The following INSL6 variants were observed in gnomAD, a reference collection of about 807,000 sequenced individuals.
INSL6 encodes the protein insulin-like peptide INSL6.
A neutral mutation model predicts 9.4 loss-of-function variants in INSL6; 16 were observed. The ratio of observed to expected loss-of-function variants is 1.70; its 90% CI spans 1.15 to 2.59. The LOEUF (loss-of-function observed/expected upper bound fraction) is 2.59. Among genes scored for constraint, INSL6 ranks in the 30% most tolerant of loss-of-function variants. The probability of loss-of-function intolerance (pLI) is 0.00; values close to 1 mark genes in which losing one functional copy is unlikely to be tolerated. For synonymous variants in INSL6, 154 were observed against 96.9 expected (o/e 1.59, Z -3.46); for missense variants, 391 against 257.3 (o/e 1.52, Z -3.56).
chr9:5,092,277 C>T, the INSL6 span, among the ~76,000 whole-genome samples: 7 of 151,990 alleles, frequency 4.6e-5, no homozygotes, highest in East Asian at 7.7e-4. Flanking sequence ...AATAAGGCCA[C>T]GAAGCACGCA....
chr9:5,168,551 G>C (rs1825107950), intron 1 of INSL6, among the ~76,000 whole-genome samples: 2 of 151,980 alleles, frequency 1.3e-5, no homozygotes, highest in Non-Finnish European at 2.9e-5. Context: ...GAAAAGGAAT[G>C]AATAAAACCT....
chr9:5,069,204 A>T, the INSL6 span: 2 of 1,596,028 alleles, frequency 1.3e-6, no homozygotes, highest in Non-Finnish European at 8.5e-7. Flanking sequence ...CCCCAAAGCC[A>T]AAAGGTAAGA....
chr9:5,123,708 G>A (rs543442745), downstream of INSL6, among the ~76,000 whole-genome samples: 9 of 151,854 alleles, frequency 5.9e-5, no homozygotes, highest in South Asian at 1.7e-3. Context: ...CTATATTTAG[G>A]TCTCTGAGAA....
intron 1 of INSL6, 54 bp from the exon 2 acceptor site, chr9:5,164,319 A>G: frequency 8.9e-7 from 1 of 1,119,786 alleles, no homozygotes. Flanking sequence ...CCTTTAGATG[A>G]AAATTTAATA....
chr9:5,026,019 C>G, the INSL6 span, among the ~76,000 whole-genome samples: 1 of 151,840 alleles, frequency 6.6e-6, no homozygotes, highest in Non-Finnish European at 1.5e-5. Flanking sequence ...CTCTTTTTTT[C>G]TTATTATCCT....
the INSL6 span, among the ~76,000 whole-genome samples, chr9:5,106,375 A>T: frequency 6.6e-6 from 1 of 152,242 alleles, no homozygotes; most frequent in African/African-American, 2.4e-5. Context: ...TAGAATGGTG[A>T]TCATTAAAAA....
At chr9:5,080,539 C>G in the INSL6 span, 1 of 1,583,746 alleles carries the variant, frequency 6.3e-7, no homozygotes, top group Non-Finnish European at 8.5e-7. Context: ...ATAGAAGCTA[C>G]AATTTTATGA....
chr9:5,029,925 T>A, the INSL6 span: 1 of 1,568,354 alleles, frequency 6.4e-7, no homozygotes, highest in Non-Finnish European at 8.6e-7. Context: ...TTCAGTAAAG[T>A]AACTCACTTA....
chr9:5,019,551 A>G, the INSL6 span, among the ~76,000 whole-genome samples: 1 of 152,054 alleles, frequency 6.6e-6, no homozygotes, highest in Non-Finnish European at 1.5e-5. Flanking sequence ...TTGCATTGGA[A>G]TCTTTTGGTA....
At chr9:5,164,973 C>T (rs769219331) in intron 1 of INSL6, among the ~76,000 whole-genome samples, 5 of 152,124 alleles carry the variant, frequency 3.3e-5, no homozygotes, top group Admixed American at 6.5e-5. Flanking sequence ...TCTGGGAGGC[C>T]GAGGCGGGCG....
At chr9:5,126,521 C>T in intron 3 of INSL6, 1 of 1,102,550 alleles carries the variant, frequency 9.1e-7, no homozygotes, top group Non-Finnish European at 1.3e-6. Context: ...AGTTCACTTC[C>T]TGAAATTTAA....
chr9:5,068,084 C>T, the INSL6 span, among the ~76,000 whole-genome samples: 3 of 150,884 alleles, frequency 2.0e-5, no homozygotes, highest in East Asian at 3.9e-4. Flanking sequence ...CGCTTGAACC[C>T]GGGAGGTGGA....
At chr9:5,081,467 A>G in the INSL6 span, among the ~76,000 whole-genome samples, 3 of 152,268 alleles carry the variant, frequency 2.0e-5, no homozygotes, top group East Asian at 5.8e-4. Context: ...GTATCAGTAT[A>G]TTACCTTACT....
At chr9:5,086,363 T>G in the INSL6 span, among the ~76,000 whole-genome samples, 1 of 151,562 alleles carries the variant, frequency 6.6e-6, no homozygotes, top group African/African-American at 2.4e-5. Flanking sequence ...GAAATCCTCT[T>G]TATTCCTTTT....
the INSL6 span, chr9:5,114,506 G>T: frequency 2.1e-6 from 1 of 470,238 alleles, no homozygotes; most frequent in South Asian, 1.8e-5. Flanking sequence ...AGGTCTACGT[G>T]TTTGCAACGC....
the INSL6 span, among the ~76,000 whole-genome samples, chr9:5,102,687 C>A: frequency 6.6e-6 from 1 of 152,180 alleles, no homozygotes; most frequent in African/African-American, 2.4e-5. Flanking sequence ...AGACTAACAG[C>A]GGATCTCTCA....
At chr9:5,085,017 A>G in the INSL6 span, 8 of 844,802 alleles carry the variant, frequency 9.5e-6, no homozygotes, top group East Asian at 7.5e-5. Flanking sequence ...TGTGAGTACA[A>G]TTTCTGAAAG....
At chr9:5,048,954 C>T in the INSL6 span, among the ~76,000 whole-genome samples, 1 of 152,030 alleles carries the variant, frequency 6.6e-6, no homozygotes, top group Non-Finnish European at 1.5e-5. Flanking sequence ...ATTTGTACTT[C>T]TGCTTTCTTT....
intron 2 of INSL6, among the ~76,000 whole-genome samples, chr9:5,144,940 TG>T (rs1274674892): frequency 6.6e-6 from 1 of 152,206 alleles, no homozygotes. Flanking sequence ...TCTGTGTCTT[TG>T]GGGGCATTTA....
Sources: allele counts gnomAD v4.1 joint callset (sites outside exome capture counted in the v4.1 genomes callset), GRCh38; gene constraint gnomAD v4.1.1; transcripts MANE v1.5; gene names NCBI Gene and HGNC (gene_info 2026-07-23, HGNC 2026-07-21).